Variants in PDZRN4 observed in about 807,000 individuals in gnomAD.
The protein encoded by PDZRN4 is PDZ domain-containing RING finger protein 4.
Under a neutral mutation model 99.0 loss-of-function variants are expected in PDZRN4, and 70 were observed. The observed-to-expected ratio is 0.71, with a 90% CI of 0.58 to 0.86. The LOEUF (loss-of-function observed/expected upper bound fraction) is 0.86, where lower values mean the gene tolerates loss of function less well. PDZRN4 is among the 40% of genes least tolerant of loss of function. The pLI, the probability that PDZRN4 is intolerant of heterozygous loss-of-function variation, is 0.00. For synonymous variants in PDZRN4, 551 were observed against 501.6 expected (o/e 1.10, Z -1.32); for missense variants, 1,474 against 1,331.2 (o/e 1.11, Z -1.67).
intron 3 of PDZRN4, among the ~76,000 whole-genome samples, chr12:41,470,152 G>A (rs1467715012): frequency 6.6e-6 from 1 of 152,028 alleles, no homozygotes; most frequent in African/African-American, 2.4e-5. Context: ...GGGTTTGTCA[G>A]AAAATTTACA....
At chr12:41,518,942 C>A (rs1938448477) in intron 5 of PDZRN4, among the ~76,000 whole-genome samples, 1 of 151,670 alleles carries the variant, frequency 6.6e-6, no homozygotes, top group Non-Finnish European at 1.5e-5. Flanking sequence ...AGCAAGACCC[C>A]CAACTCTATA....
intron 3 of PDZRN4, among the ~76,000 whole-genome samples, chr12:41,305,846 C>A (rs550640230): frequency 2.6e-5 from 4 of 152,178 alleles, no homozygotes; most frequent in Non-Finnish European, 5.9e-5. Context: ...TTAATTATTC[C>A]AGCATCAACT....
chr12:41,499,985 A>G (rs1052419796), intron 3 of PDZRN4, among the ~76,000 whole-genome samples: 1 of 152,016 alleles, frequency 6.6e-6, no homozygotes, highest in Non-Finnish European at 1.5e-5. Flanking sequence ...GTTAAATCAG[A>G]TTGGTAGAGG....
At chr12:41,197,881 TTTCTTTC>T (rs1361389777) in intron 3 of PDZRN4, among the ~76,000 whole-genome samples, 1 of 97,658 alleles carries the variant, frequency 1.0e-5, no homozygotes, top group African/African-American at 3.7e-5. Flanking sequence ...CTATTCTTTC[TTTCTTTC>T]TTCTTCTTCT....
rs138465054 is a variant in PDZRN4 at position 41,399,571 on chromosome 12, C to T, written c.844-106885C>T. Among the ~76,000 whole-genome samples the T allele has an allele frequency of 3.5e-3, 538 of 151,886 alleles. 6 individuals carry two copies. The highest frequency in any genetic ancestry group is 0.014 in the Middle Eastern group (4 of 292). On this transcript the variant is annotated intron_variant, in intron 3 of 9. Transcript: ENST00000402685. ...GCAACATGGTGAAACCCCATCTCTA[C>T]TAAAAATACCAAAAATTAGCTAGGC...
chr12:41,327,623 GAA>G (rs1951718448), intron 3 of PDZRN4, among the ~76,000 whole-genome samples: 1 of 152,174 alleles, frequency 6.6e-6, no homozygotes, highest in Non-Finnish European at 1.5e-5. Flanking sequence ...AAACAGTGCA[GAA>G]GGCCAGGGGC....
intron 3 of PDZRN4, among the ~76,000 whole-genome samples, chr12:41,407,554 T>C (rs1250535630): frequency 2.6e-5 from 4 of 152,182 alleles, no homozygotes; most frequent in African/African-American, 4.8e-5. Context: ...AAGCATGCTA[T>C]TGGCAGCTCA....
chr12:41,542,458 CAACA>C (rs1279419648), intron 5 of PDZRN4, among the ~76,000 whole-genome samples: 1 of 152,216 alleles, frequency 6.6e-6, no homozygotes, highest in Non-Finnish European at 1.5e-5. Flanking sequence ...GTTGACATCA[CAACA>C]AACGAAGCTC....
intron 5 of PDZRN4, among the ~76,000 whole-genome samples, chr12:41,520,639 C>G (rs1262815471): frequency 6.6e-6 from 1 of 151,562 alleles, no homozygotes; most frequent in East Asian, 1.9e-4. Flanking sequence ...CACACACACA[C>G]ACACACACAC....
At chr12:41,537,459 A>G (rs2120756742) in intron 5 of PDZRN4, among the ~76,000 whole-genome samples, 1 of 152,248 alleles carries the variant, frequency 6.6e-6, no homozygotes, top group South Asian at 2.1e-4. Flanking sequence ...ATTTTTTGTG[A>G]GGAGGAAGAG....
chr12:41,421,931 T>C (rs941850511), intron 3 of PDZRN4, among the ~76,000 whole-genome samples: 3 of 152,228 alleles, frequency 2.0e-5, no homozygotes, highest in Admixed American at 6.5e-5. Flanking sequence ...CAGTGATTAG[T>C]ATGTTGGAGC....
chr12:41,214,788 A>G (rs937991088), intron 3 of PDZRN4, among the ~76,000 whole-genome samples: 2 of 152,070 alleles, frequency 1.3e-5, no homozygotes, highest in Non-Finnish European at 2.9e-5. Flanking sequence ...GCTACTCAAA[A>G]TAGTTATAAC....
chr12:41,261,860 G>C (rs1319386777), intron 3 of PDZRN4, among the ~76,000 whole-genome samples: 3 of 152,138 alleles, frequency 2.0e-5, no homozygotes, highest in Admixed American at 2.0e-4. Flanking sequence ...AATTTACAAT[G>C]AAGTGTAATG....
intron 3 of PDZRN4, among the ~76,000 whole-genome samples, chr12:41,207,422 ATG>A (rs1950858620): frequency 6.6e-6 from 1 of 151,842 alleles, no homozygotes; most frequent in Admixed American, 6.6e-5. Flanking sequence ...TTATATAAAA[ATG>A]TTATATTTCA....
intron 3 of PDZRN4, among the ~76,000 whole-genome samples, chr12:41,214,430 T>TAAAAAAAAA (rs536246838): frequency 0.02 from 668 of 33,978 alleles, 76 homozygotes; most frequent in East Asian, 0.12. Context: ...CCCTGTCCCC[T>TAAAAAAAAA]AAAAAAAAAA....
At chr12:41,505,761 G>T (rs1405567069) in intron 3 of PDZRN4, among the ~76,000 whole-genome samples, 2 of 151,352 alleles carry the variant, frequency 1.3e-5, no homozygotes, top group Admixed American at 1.3e-4. Context: ...TATCTAGAGG[G>T]ACATAATATA....
At chr12:41,289,089 T>C (rs2120903257) in intron 3 of PDZRN4, among the ~76,000 whole-genome samples, 1 of 152,260 alleles carries the variant, frequency 6.6e-6, no homozygotes, top group East Asian at 1.9e-4. Flanking sequence ...CATTATTTTA[T>C]TATGTTACAA....
chr12:41,520,680 G>T (rs974658780), intron 5 of PDZRN4, among the ~76,000 whole-genome samples: 1 of 148,274 alleles, frequency 6.7e-6, no homozygotes, highest in Non-Finnish European at 1.5e-5. Flanking sequence ...TAACTCAGCC[G>T]CATTATTGGC....
intron 3 of PDZRN4, chr12:41,437,656 T>G: frequency 1.2e-6 from 1 of 816,342 alleles, no homozygotes; most frequent in Non-Finnish European, 1.7e-6. Flanking sequence ...AGCTGGAATC[T>G]GTGTAGTCAT....
Sources: gnomAD v4.1 joint callset for allele counts (sites outside exome capture counted in the v4.1 genomes callset) on GRCh38, gnomAD v4.1.1 for gene constraint, MANE v1.5 for transcripts, NCBI Gene and HGNC (gene_info 2026-07-23, HGNC 2026-07-21) for gene names.